The following GALNT10 variants were observed in gnomAD, a reference collection of about 807,000 sequenced individuals.
The protein encoded by GALNT10 is GalNAc transferase 10.
Under a neutral mutation model 75.0 loss-of-function variants are expected in GALNT10, and 41 were observed. That is an observed-to-expected ratio of 0.55 (90% CI 0.43 to 0.71). The LOEUF is 0.71. GALNT10 is among the 30% of genes least tolerant of loss of function. GALNT10 has a pLI of 0.00. For synonymous variants in GALNT10, 302 were observed against 313.0 expected (o/e 0.96, Z 0.37); for missense variants, 727 against 818.5 (o/e 0.89, Z 1.36).
chr5:154,266,956 A>C, intron 1 of GALNT10, among the ~76,000 whole-genome samples: 1 of 152,178 alleles, frequency 6.6e-6, no homozygotes, highest in East Asian at 1.9e-4. Flanking sequence ...CTGTGTACCC[A>C]TAGCTCATTA....
intron 4 of GALNT10, among the ~76,000 whole-genome samples, chr5:154,353,575 G>A (rs1324231895): frequency 1.3e-5 from 2 of 152,214 alleles, no homozygotes; most frequent in Admixed American, 6.5e-5. Flanking sequence ...TTTCTCTGCC[G>A]AGCCCTTGCC....
At chr5:154,253,323 A>G (rs1024600320) in intron 1 of GALNT10, among the ~76,000 whole-genome samples, 1 of 144,916 alleles carries the variant, frequency 6.9e-6, no homozygotes, top group Non-Finnish European at 1.5e-5. Context: ...ATTCTCACTC[A>G]TAGGTGGGAA....
In GALNT10 at chr5:154,337,568, G is replaced by T; in HGVS notation, c.568+7830G>T. ...AGTATTGGCCTCCATCACCATAGAG[G>T]CCAGAGCTTCTGCCTCTAAAGTTTC... is the stretch of plus-strand genomic sequence containing the variant. On this transcript the variant is annotated intron_variant, in intron 4 of 11. Coordinates refer to ENST00000297107, the MANE Select transcript of GALNT10 (RefSeq NM_198321.4). 16 of 773,062 alleles carry T rather than the reference G, an allele frequency of 2.1e-5. No homozygotes were observed. The South Asian group carries it at 2.1e-4, about 10-fold the overall frequency. 47.9% of individuals were successfully genotyped at this position (773,062 alleles called of 1,614,324 possible). A position where few individuals can be genotyped will look rare whatever the true frequency, so the allele number is the denominator to read the frequency against.
chr5:154,354,465 G>A (rs897203743), intron 4 of GALNT10, among the ~76,000 whole-genome samples: 1 of 152,174 alleles, frequency 6.6e-6, no homozygotes, highest in Non-Finnish European at 1.5e-5. Flanking sequence ...CATCTCAGAG[G>A]AGTCCGTAGA....
chr5:154,411,443 G>T (rs984577060), intron 9 of GALNT10, among the ~76,000 whole-genome samples: 1 of 152,320 alleles, frequency 6.6e-6, no homozygotes, highest in Non-Finnish European at 1.5e-5. Flanking sequence ...CCCATCACTG[G>T]GGCCATCGGG....
At chr5:154,216,213 C>G (rs535750306) in intron 1 of GALNT10, among the ~76,000 whole-genome samples, 21 of 152,174 alleles carry the variant, frequency 1.4e-4, no homozygotes, top group African/African-American at 5.1e-4. Context: ...TACATTGTTT[C>G]AAATTGTTAG....
chr5:154,206,936 G>T (rs1398044810), intron 1 of GALNT10, among the ~76,000 whole-genome samples: 2 of 152,248 alleles, frequency 1.3e-5, no homozygotes, highest in African/African-American at 4.8e-5. Context: ...GGCTATTGGG[G>T]TGGAGAGATT....
chr5:154,234,587 G>T (rs139975440), intron 1 of GALNT10, among the ~76,000 whole-genome samples: 1 of 152,212 alleles, frequency 6.6e-6, no homozygotes, highest in African/African-American at 2.4e-5. Flanking sequence ...CATTTAACAC[G>T]TGAAGGAAGT....
At position 154,249,243 on chromosome 5, in the gene GALNT10, G is replaced by A. The variant is rs1411987481; in HGVS notation, c.160-45573G>A. Among the ~76,000 whole-genome samples, 3 of 152,332 alleles carry A rather than the reference G, an allele frequency of 2.0e-5. No homozygotes were observed. In the East Asian group the frequency reaches 5.8e-4, roughly 29 times the overall value. On this transcript the variant is annotated intron_variant, in intron 1 of 11. Coordinates refer to ENST00000297107, the MANE Select transcript of GALNT10 (RefSeq NM_198321.4). ...AAAGTTGTGATTCAGTAGGCCTGAT[G>A]TGGAGCCTGAGAATTTGCATTTCTA...
At chr5:154,316,238 G>A (rs1023230377) in intron 3 of GALNT10, among the ~76,000 whole-genome samples, 2 of 152,158 alleles carry the variant, frequency 1.3e-5, no homozygotes, top group Non-Finnish European at 2.9e-5. Context: ...AACTGTGTCT[G>A]ATTTAGATTT....
intron 10 of GALNT10, 95 bp from the exon 11 acceptor site, chr5:154,415,688 C>G (rs1037999998): frequency 5.1e-6 from 6 of 1,167,032 alleles, no homozygotes; most frequent in Non-Finnish European, 6.1e-6. Context: ...TTATTTGGAC[C>G]TCTGAGTTTA....
chr5:154,308,156 C>CT (rs1417839531), intron 3 of GALNT10, among the ~76,000 whole-genome samples: 42 of 151,162 alleles, frequency 2.8e-4, no homozygotes, highest in Non-Finnish European at 5.9e-4. Flanking sequence ...TTGTTTAAAT[C>CT]TTTTAAAAGA....
At chr5:154,312,584 T>C (rs1754537895) in intron 3 of GALNT10, among the ~76,000 whole-genome samples, 1 of 152,262 alleles carries the variant, frequency 6.6e-6, no homozygotes. Flanking sequence ...ATATTTCTAA[T>C]AGCTGTGTAA....
At chr5:154,219,391 T>C (rs115900983) in intron 1 of GALNT10, 8,857 of 152,804 alleles carry the variant, frequency 0.058, 813 homozygotes, top group African/African-American at 0.2. Flanking sequence ...ATGTCCTTGG[T>C]GGCCTCCCCT....
At position 154,293,613 on chromosome 5, in the gene GALNT10, AT is replaced by A. The variant is rs1201863629; in HGVS notation, c.160-1193del. Among the ~76,000 whole-genome samples the A allele has an allele frequency of 1.8e-3, 194 of 109,340 alleles. 3 individuals carry two copies. Among genetic ancestry groups the A allele is most frequent in the African/African-American group, 3.5e-3 (83 of 23,568 alleles). The allele number at this position is 109,340 out of a possible 152,430, so 71.7% of individuals were successfully genotyped here. Reference sequence around the variant, plus strand: ...GGGGCTGATATATATATATATATATATTTTTTTTTTCCTTTCAGCCATTCAA... The same window carrying A: ...GGGGCTGATATATATATATATATATATTTTTTTTTCCTTTCAGCCATTCAA... On this transcript the variant is annotated intron_variant, in intron 1 of 11. Transcript: ENST00000297107.
intron 3 of GALNT10, among the ~76,000 whole-genome samples, chr5:154,329,134 G>T (rs1335561212): frequency 2.6e-5 from 4 of 152,078 alleles, no homozygotes; most frequent in African/African-American, 9.7e-5. Flanking sequence ...CAAGAACTGG[G>T]GTCAAAGACG....
intron 1 of GALNT10, among the ~76,000 whole-genome samples, chr5:154,208,787 C>T (rs974738493): frequency 6.6e-5 from 10 of 152,050 alleles, no homozygotes; most frequent in Non-Finnish European, 1.3e-4. Flanking sequence ...GAGATTAGAG[C>T]GATGAAAATT....
intron 4 of GALNT10, among the ~76,000 whole-genome samples, chr5:154,361,926 G>C (rs181041472): frequency 6.6e-6 from 1 of 152,284 alleles, no homozygotes; most frequent in Admixed American, 6.5e-5. Flanking sequence ...ATGTGGCATT[G>C]CTGGCAAGAC....
At position 154,219,834 on chromosome 5, in the gene GALNT10, T is replaced by TCACACACACA. The variant is rs763537693; in HGVS notation, c.159+28810_159+28811insACACACACAC. On this transcript the variant is annotated intron_variant, in intron 1 of 11. Transcript: ENST00000297107. The stretch of plus-strand genomic sequence containing the variant: ...CGCGCTCTCTCTCTCTCTCTCTCTC[T>TCACACACACA]CTCTCACACACACACACACACACAC... 7.2e-3 allele frequency among the ~76,000 whole-genome samples: 928 copies of TCACACACACA among 129,652 alleles called. 11 individuals carry two copies. Among genetic ancestry groups the TCACACACACA allele is most frequent in the South Asian group, 0.033 (125 of 3,780 alleles). The allele number at this position is 129,652 out of a possible 152,430, so 85.1% of individuals were successfully genotyped here. A position where few individuals can be genotyped will look rare whatever the true frequency, so the allele number is the denominator to read the frequency against.
Sources: gnomAD v4.1 joint callset for allele counts (sites outside exome capture counted in the v4.1 genomes callset) on GRCh38, gnomAD v4.1.1 for gene constraint, MANE v1.5 for transcripts, NCBI Gene and HGNC (gene_info 2026-07-23, HGNC 2026-07-21) for gene names.